The following NIBAN1 variants were observed in gnomAD, a reference collection of about 807,000 sequenced individuals.
The protein encoded by NIBAN1 is niban apoptosis regulator 1, also known as protein Niban 1.
A neutral mutation model predicts 75.1 loss-of-function variants in NIBAN1; 81 were observed. The observed-to-expected ratio is 1.08, with a 90% CI of 0.90 to 1.30. The LOEUF (loss-of-function observed/expected upper bound fraction) is 1.30. NIBAN1 is among the 50% of genes most tolerant of loss of function. The probability of loss-of-function intolerance (pLI) is 0.00; values close to 1 mark genes in which losing one functional copy is unlikely to be tolerated. For missense variants in NIBAN1, 1,133 were observed against 1,128.1 expected (o/e 1.00, Z -0.06); for synonymous variants, 436 against 424.8 (o/e 1.03, Z -0.32).
chr1:184,944,122 G>A (rs1406786189), intron 1 of NIBAN1, among the ~76,000 whole-genome samples: 3 of 152,152 alleles, frequency 2.0e-5, no homozygotes, highest in Non-Finnish European at 4.4e-5. Flanking sequence ...TACCACTAGT[G>A]AAAGGAAACC....
At position 184,845,651 on chromosome 1, in the gene NIBAN1, C is replaced by G. The variant is rs1161468974; in HGVS notation, c.602-13689G>C. ...ATGGCCGAATAGGAACAGCTCCGGTCTACAGATCCCAGCGTAAGCGACGCA... is the reference window on the plus strand; with the variant it reads ...ATGGCCGAATAGGAACAGCTCCGGTGTACAGATCCCAGCGTAAGCGACGCA... On this transcript the variant is annotated intron_variant, in intron 5 of 13. Coordinates refer to ENST00000367511, the MANE Select transcript of NIBAN1 (RefSeq NM_052966.4). 6.1e-5 allele frequency among the ~76,000 whole-genome samples: 6 copies of G among 98,470 alleles called. 2 individuals carry two copies. The highest frequency in any genetic ancestry group is 4.2e-4 in the Admixed American group (4 of 9,604). 64.6% of individuals were successfully genotyped at this position (98,470 alleles called of 152,430 possible). A position where few individuals can be genotyped will look rare whatever the true frequency, so the allele number is the denominator to read the frequency against.
intron 5 of NIBAN1, among the ~76,000 whole-genome samples, chr1:184,874,938 C>A (rs1039728585): frequency 2.0e-5 from 3 of 152,016 alleles, no homozygotes; most frequent in Non-Finnish European, 4.4e-5. Context: ...GGACACAAAG[C>A]AAGGTGTAGC....
rs150423443 is a variant in NIBAN1, at chr1:184,923,612, T to C, written c.56-24303A>G. Among the ~76,000 whole-genome samples the C allele has an allele frequency of 4.3e-3, 655 of 152,292 alleles. 3 individuals are homozygous for C. Among genetic ancestry groups the C allele is most frequent in the African/African-American group, 0.015 (627 of 41,564 alleles). On this transcript the variant is annotated intron_variant, in intron 1 of 13. Coordinates refer to ENST00000367511, the MANE Select transcript of NIBAN1 (RefSeq NM_052966.4). ...CTATTTCTGTGAAGAATGTCATTGGTATTTTGATAAGGATTGCATTGAATC... is the reference window on the plus strand; with the variant it reads ...CTATTTCTGTGAAGAATGTCATTGGCATTTTGATAAGGATTGCATTGAATC...
At chr1:184,832,247 C>T (rs1225460046) in intron 5 of NIBAN1, among the ~76,000 whole-genome samples, 1 of 152,156 alleles carries the variant, frequency 6.6e-6, no homozygotes, top group Non-Finnish European at 1.5e-5. Context: ...ACATGCTCCC[C>T]TATCCACCCA....
chr1:184,800,241 G>T (rs1400550335), intron 12 of NIBAN1, among the ~76,000 whole-genome samples: 150 of 150,288 alleles, frequency 1.0e-3, no homozygotes, highest in African/African-American at 3.3e-3. Context: ...ATTTGTTTGA[G>T]TTCATTGTAG....
At chr1:184,894,640 G>T (rs554809811) in intron 2 of NIBAN1, among the ~76,000 whole-genome samples, 2 of 152,160 alleles carry the variant, frequency 1.3e-5, no homozygotes, top group African/African-American at 4.8e-5. Context: ...TTAACAGACC[G>T]TTCCCCTATC....
chr1:184,913,829 C>G (rs1385046897), intron 1 of NIBAN1, among the ~76,000 whole-genome samples: 1 of 152,174 alleles, frequency 6.6e-6, no homozygotes, highest in Non-Finnish European at 1.5e-5. Flanking sequence ...CTCTCTTGAA[C>G]CAGGTGAACT....
chr1:184,942,422 G>A lies in NIBAN1; in HGVS notation c.55+31880C>T, dbSNP rs991739188. ...GAAACTGACAGATGCCGCGGGGCGCGGTGGCTCACGCCTGTAATCCCAGCA... is the reference window on the plus strand; with the variant it reads ...GAAACTGACAGATGCCGCGGGGCGCAGTGGCTCACGCCTGTAATCCCAGCA... On this transcript the variant is annotated intron_variant, in intron 1 of 13. Transcript: ENST00000367511. Among the ~76,000 whole-genome samples, 9 of 152,364 alleles carry A rather than the reference G, an allele frequency of 5.9e-5. No individual in the cohort carries two copies. The East Asian group carries it at 1.4e-3, about 23-fold the overall frequency.
Position 184,974,302 on chromosome 1 carries a change from C to T in NIBAN1, c.55G>A (p.Gly19Arg). The T allele has an allele frequency of 6.4e-7, 1 of 1,562,166 alleles. No individual in the cohort carries two copies. The highest frequency in any genetic ancestry group is 8.6e-7 in the Non-Finnish European group (1 of 1,161,250). Residue 19 changes from glycine (G) to arginine (R), a missense_variant and splice_region_variant, in exon 1 of 14, where the codon GGG becomes AGG. Coordinates refer to ENST00000367511, the MANE Select transcript of NIBAN1 (RefSeq NM_052966.4). The part of the protein sequence containing the change: ...LDEGKCAYIR[G>R]KTEAAIKNFS... ...CAGGCCCCCGGGCGGGCGGGCGTAC[C>T]TCGGATGTAAGCGCACTTGCCCTCG...
chr1:184,831,756 T>TGATTAAA (rs1463017764), intron 6 of NIBAN1, 91 bp downstream of exon 6: 6 of 911,478 alleles, frequency 6.6e-6, no homozygotes, highest in Non-Finnish European at 8.8e-6. Flanking sequence ...TTGCAACTTT[T>TGATTAAA]CTGTTTGATT....
intron 6 of NIBAN1, among the ~76,000 whole-genome samples, chr1:184,827,922 G>A (rs973707169): frequency 6.7e-6 from 1 of 149,728 alleles, no homozygotes; most frequent in South Asian, 2.1e-4. Context: ...TCTGGAGCAC[G>A]TGGACAAGGC....
At chr1:184,861,752 G>A (rs1355078949) in intron 5 of NIBAN1, among the ~76,000 whole-genome samples, 2 of 148,878 alleles carry the variant, frequency 1.3e-5, no homozygotes, top group Non-Finnish European at 3.0e-5. Flanking sequence ...AGGAAGGGAG[G>A]AAAGAAGAAA....
intron 12 of NIBAN1, among the ~76,000 whole-genome samples, chr1:184,799,047 T>G (rs1653956338): frequency 1.3e-5 from 2 of 152,116 alleles, no homozygotes; most frequent in African/African-American, 4.8e-5. Flanking sequence ...ATTTTATTTT[T>G]TATTATTATT....
intron 5 of NIBAN1, among the ~76,000 whole-genome samples, chr1:184,870,937 C>A (rs572306807): frequency 6.6e-6 from 1 of 152,300 alleles, no homozygotes; most frequent in East Asian, 1.9e-4. Context: ...TCCCCCAAAT[C>A]TCAGAAAGTG....
intron 1 of NIBAN1, among the ~76,000 whole-genome samples, chr1:184,942,848 A>C (rs775515593): frequency 1.3e-5 from 2 of 152,126 alleles, no homozygotes. Flanking sequence ...AGCCAGCCCT[A>C]TGGTTTGTGA....
At chr1:184,892,192 C>G (rs1656685480) in intron 3 of NIBAN1, among the ~76,000 whole-genome samples, 1 of 152,212 alleles carries the variant, frequency 6.6e-6, no homozygotes, top group Non-Finnish European at 1.5e-5. Context: ...GCTCCACACC[C>G]AGCTCTAGCT....
At position 184,797,193 on chromosome 1, in the gene NIBAN1, G is replaced by A. The variant is rs143064039; in HGVS notation, c.1666+886C>T. Among the ~76,000 whole-genome samples, 1,309 of 147,570 alleles carry A rather than the reference G, an allele frequency of 8.9e-3. 18 individuals carry two copies. The highest frequency in any genetic ancestry group is 0.056 in the East Asian group (276 of 4,926). On this transcript the variant is annotated intron_variant, in intron 13 of 13. Transcript: ENST00000367511. ...CTCACTCTGTCACCCAGGCTGGAGT[G>A]CAATGGCACAATCTTGGCTCACTGG...
chr1:184,808,297 A>G (rs1654266865), intron 9 of NIBAN1, 62 bp from the exon 10 acceptor site: 2 of 1,497,598 alleles, frequency 1.3e-6, no homozygotes, highest in East Asian at 2.3e-5. Flanking sequence ...TTGCATATAT[A>G]TTGCATATTA....
At chr1:184,894,804 C>A (rs1045471455) in intron 2 of NIBAN1, among the ~76,000 whole-genome samples, 13 of 152,178 alleles carry the variant, frequency 8.5e-5, no homozygotes, top group African/African-American at 2.9e-4. Flanking sequence ...TCCACCGCTT[C>A]TACTGAAAAG....
Sources: allele counts gnomAD v4.1 joint callset (sites outside exome capture counted in the v4.1 genomes callset), GRCh38; gene constraint gnomAD v4.1.1; transcripts MANE v1.5; gene names NCBI Gene and HGNC (gene_info 2026-07-23, HGNC 2026-07-21).